The following CDC73 variants were observed in gnomAD, a reference collection of about 807,000 sequenced individuals.
CDC73 encodes parafibromin.
A neutral mutation model predicts 83.7 loss-of-function variants in CDC73; 21 were observed. That is an observed-to-expected ratio of 0.25 (90% CI 0.18 to 0.36). The LOEUF (loss-of-function observed/expected upper bound fraction) is 0.36. CDC73 is among the 10% of genes least tolerant of loss of function. The pLI is 1.00. For missense variants in CDC73, 342 were observed against 653.3 expected (o/e 0.52, Z 5.19); for synonymous variants, 224 against 212.9 (o/e 1.05, Z -0.45).
chr1:193,242,441 T>C (rs1351486639), intron 15 of CDC73, among the ~76,000 whole-genome samples: 1 of 152,172 alleles, frequency 6.6e-6, no homozygotes, highest in Non-Finnish European at 1.5e-5. Flanking sequence ...CCCTTCTCCT[T>C]CCTTGCCTTA....
At chr1:193,219,609 G>A (rs1331769603) in intron 13 of CDC73, among the ~76,000 whole-genome samples, 4 of 152,100 alleles carry the variant, frequency 2.6e-5, no homozygotes, top group African/African-American at 9.7e-5. Context: ...GCAGCTGGAA[G>A]CCATTATCCT....
chr1:193,180,642 A>T, intron 10 of CDC73: 2 of 1,614,138 alleles, frequency 1.2e-6, no homozygotes, highest in Non-Finnish European at 1.7e-6. Context: ...AGACAGGATA[A>T]CGCTCACTTG....
intron 6 of CDC73, 21 bp from the exon 7 acceptor site, chr1:193,141,829 T>TA: frequency 6.4e-7 from 1 of 1,562,126 alleles, no homozygotes; most frequent in South Asian, 1.1e-5. Flanking sequence ...TGTGAAAATT[T>TA]AAAAAAGAAA....
intron 6 of CDC73, among the ~76,000 whole-genome samples, chr1:193,140,357 A>G (rs1675883607): frequency 6.6e-6 from 1 of 152,066 alleles, no homozygotes. Flanking sequence ...AGTCCATTGG[A>G]GGCTTGATTA....
chr1:193,240,014 A>G (rs1266756037), intron 15 of CDC73, among the ~76,000 whole-genome samples: 1 of 152,074 alleles, frequency 6.6e-6, no homozygotes, highest in African/African-American at 2.4e-5. Flanking sequence ...CCACACACAT[A>G]CACACACCCT....
rs1429828927 is a variant in CDC73, at chr1:193,249,846, T to C, written c.1534T>C (p.Leu512=). The change falls in exon 16 of 17, where the codon TTA becomes CTA. Residue 512 remains leucine, a synonymous_variant. Coordinates refer to ENST00000367435, the MANE Select transcript of CDC73 (RefSeq NM_024529.5). ...HKRHLDRPVF[L]RFWETLDRYM... ...ACGTCATTTGGATAGACCAGTGTTC[T>C]TACGGTTTTGGGAAACATTGGACAG... The C allele has an allele frequency of 1.9e-6, 3 of 1,612,476 alleles. No individual in the cohort carries two copies. The highest frequency in any genetic ancestry group is 2.2e-5 in the South Asian group (2 of 91,066).
intron 6 of CDC73, 70 bp downstream of exon 6, chr1:193,138,243 A>T: frequency 9.9e-7 from 1 of 1,012,940 alleles, no homozygotes; most frequent in Non-Finnish European, 1.6e-6. Context: ...AAGGAATATT[A>T]AAATGCTCTC....
chr1:193,217,330 G>A (rs536717113), intron 13 of CDC73, among the ~76,000 whole-genome samples: 35 of 152,238 alleles, frequency 2.3e-4, no homozygotes, highest in African/African-American at 8.2e-4. Context: ...CTTATCACAA[G>A]GACAAGATAC....
intron 10 of CDC73, among the ~76,000 whole-genome samples, chr1:193,168,263 A>G (rs1209670572): frequency 1.3e-5 from 2 of 152,268 alleles, no homozygotes; most frequent in East Asian, 3.9e-4. Context: ...TTATGTGACA[A>G]AATGCTTGGC....
At chr1:193,134,408 C>T (rs1275302416) in intron 3 of CDC73, among the ~76,000 whole-genome samples, 1 of 152,092 alleles carries the variant, frequency 6.6e-6, no homozygotes, top group Non-Finnish European at 1.5e-5. Context: ...CAGTGGCTCA[C>T]ACCTGTAATC....
intron 15 of CDC73, among the ~76,000 whole-genome samples, chr1:193,239,343 G>T (rs1000219918): frequency 6.6e-6 from 1 of 152,026 alleles, no homozygotes; most frequent in African/African-American, 2.4e-5. Context: ...TTCTCCATCA[G>T]ATTACACTGT....
intron 11 of CDC73, among the ~76,000 whole-genome samples, chr1:193,208,879 T>A (rs72740232): frequency 0.059 from 8,930 of 152,318 alleles, 365 homozygotes; most frequent in Non-Finnish European, 0.09. Flanking sequence ...CGCCTACTTG[T>A]TCTTGGCAAG....
At chr1:193,235,250 C>T (rs1677736740) in intron 14 of CDC73, among the ~76,000 whole-genome samples, 1 of 152,086 alleles carries the variant, frequency 6.6e-6, no homozygotes. Flanking sequence ...TCCTTCTCTT[C>T]TTCTCTTCTT....
intron 15 of CDC73, among the ~76,000 whole-genome samples, chr1:193,245,561 T>C (rs1037086221): frequency 3.3e-5 from 5 of 152,180 alleles, no homozygotes; most frequent in African/African-American, 7.2e-5. Flanking sequence ...ATCTTTGCTG[T>C]TGTTAATAGG....
intron 2 of CDC73, among the ~76,000 whole-genome samples, chr1:193,127,289 AT>A (rs1391078389): frequency 2.4e-4 from 34 of 143,258 alleles, no homozygotes; most frequent in African/African-American, 8.8e-4. Context: ...AAAAAAAAAA[AT>A]GTGTGTGTGT....
At chr1:193,170,401 C>T (rs1032819669) in intron 10 of CDC73, among the ~76,000 whole-genome samples, 25 of 152,188 alleles carry the variant, frequency 1.6e-4, no homozygotes, top group African/African-American at 6.0e-4. Context: ...AATTAATTTA[C>T]ACTTTCATCA....
intron 8 of CDC73, among the ~76,000 whole-genome samples, chr1:193,148,387 C>T (rs1676046673): frequency 6.6e-6 from 1 of 152,128 alleles, no homozygotes; most frequent in South Asian, 2.1e-4. Context: ...GCCATGCTGT[C>T]CTTTAATTGT....
intron 10 of CDC73, among the ~76,000 whole-genome samples, chr1:193,159,951 A>G (rs1191966668): frequency 2.0e-5 from 3 of 152,214 alleles, no homozygotes. Flanking sequence ...AATGAATTAC[A>G]GCAACAACAT....
rs181337827 is a variant in CDC73, at chr1:193,176,270, C to A, written c.972+23826C>A. 5.4e-4 allele frequency among the ~76,000 whole-genome samples: 82 copies of A among 152,254 alleles called. 1 individual carries two copies. Among genetic ancestry groups the A allele is most frequent in the Admixed American group, 5.0e-3 (76 of 15,286 alleles). ...TAGGCCCCTAAACCGTTTCCCTGAT[C>A]TTTTCCCAGTAATAAGGCATTTATT... On this transcript the variant is annotated intron_variant, in intron 10 of 16. Coordinates refer to ENST00000367435, the MANE Select transcript of CDC73 (RefSeq NM_024529.5).
Sources: allele counts gnomAD v4.1 joint callset (sites outside exome capture counted in the v4.1 genomes callset), GRCh38; gene constraint gnomAD v4.1.1; transcripts MANE v1.5; gene names NCBI Gene and HGNC (gene_info 2026-07-23, HGNC 2026-07-21).